Variants in TASOR2 observed in about 807,000 individuals in gnomAD.
The protein encoded by TASOR2 is transcription activation suppressor family member 2.
A neutral mutation model predicts 199.5 loss-of-function variants in TASOR2; 84 were observed. That is an observed-to-expected ratio of 0.42 (90% CI 0.35 to 0.50). The LOEUF is 0.50. Among genes scored for constraint, TASOR2 ranks in the 20% least tolerant of loss-of-function variants. The pLI, the probability that TASOR2 is intolerant of heterozygous loss-of-function variation, is 0.02. For synonymous variants in TASOR2, 1,103 were observed against 1,046.6 expected (o/e 1.05, Z -1.04); for missense variants, 2,796 against 2,835.9 (o/e 0.99, Z 0.32).
At chr10:5,718,867 A>G (rs1253375579) in intron 3 of TASOR2, among the ~76,000 whole-genome samples, 3 of 152,160 alleles carry the variant, frequency 2.0e-5, no homozygotes, top group Admixed American at 2.0e-4. Context: ...AGTGCTGCAG[A>G]AAGTATGCCT....
intron 7 of TASOR2, 33 bp from the exon 9 acceptor site, chr10:5,724,394 TAAA>T (rs771783933): frequency 8.8e-7 from 1 of 1,133,288 alleles, no homozygotes; most frequent in East Asian, 3.0e-5. Context: ...AATAGCGTAT[TAAA>T]AATAAGAAAT....
chr10:5,757,123 A>G (rs1839072006), intron 16 of TASOR2, among the ~76,000 whole-genome samples: 1 of 151,210 alleles, frequency 6.6e-6, no homozygotes, highest in South Asian at 2.1e-4. Context: ...CCAACTACGG[A>G]CAAAGGCTGG....
At chr10:5,739,653 A>G in exon 13 of TASOR2, 1 of 1,613,330 alleles carries the variant, frequency 6.2e-7, no homozygotes, top group Non-Finnish European at 8.5e-7. Context: ...TCAATCAGAA[A>G]TTTCAAGAGG....
In TASOR2 at chr10:5,730,008, T is replaced by G. The variant is rs932375382; in HGVS notation, c.488-479T>G. Among the ~76,000 whole-genome samples, 2 of 152,244 alleles carry G rather than the reference T, an allele frequency of 1.3e-5. No individual in the cohort carries two copies. Among genetic ancestry groups the G allele is most frequent in the Non-Finnish European group, 2.9e-5 (2 of 68,046 alleles). The stretch of plus-strand genomic sequence containing the variant: ...GTGAGATTCCAGCATTATTTAGGGC[T>G]TCTACTTTTTTCAGTTCAGTTGACT... On this transcript the variant is annotated intron_variant, in intron 10 of 20. Transcript: ENST00000328090. This position sits in a 1 kb window ranked among gnomAD's most constrained non-coding sequence, Gnocchi z 4.1.
chr10:5,723,684 G>C lies in TASOR2; in HGVS notation c.154G>C (p.Glu52Gln), dbSNP rs767390308. ...TGTTGTGTTGTTTTTCAGACCGCAGGAACTAGATTTTAAATATGTAATGAA... is the reference window on the plus strand; with the variant it reads ...TGTTGTGTTGTTTTTCAGACCGCAGCAACTAGATTTTAAATATGTAATGAA... Residue 52 changes from glutamate (E) to glutamine (Q), a missense_variant, in exon 7 of 21, where the codon GAA becomes CAA. By Grantham distance (29) the Glu-to-Gln change is conservative. Around this residue, in one of 3 missense-constraint regions of TASOR2, gnomAD observed 847 missense variants for 887.4 expected, o/e 0.95. Coordinates refer to ENST00000328090, the Ensembl canonical transcript of TASOR2. The C allele has an allele frequency of 2.5e-6, 4 of 1,576,974 alleles. No individual in the cohort carries two copies. The South Asian group carries it at 3.5e-5, about 14-fold the overall frequency.
Position 5,759,048 on chromosome 10 carries a change from G to A in TASOR2, c.6992+56G>A, listed in dbSNP as rs1015411581. ...TGCCCTGCTGGGGTAGCAGAGAAAC[G>A]CCTCATGTTCCATGGGCTCTAGCCT... On this transcript the variant is annotated intron_variant, in intron 18 of 20. Coordinates refer to ENST00000328090, the Ensembl canonical transcript of TASOR2. 2.3e-5 allele frequency: 29 copies of A among 1,267,376 alleles called. No homozygotes were observed. The African/African-American group carries it at 2.7e-4, about 12-fold the overall frequency. 78.5% of individuals were successfully genotyped at this position (1,267,376 alleles called of 1,614,324 possible).
At chr10:5,707,817 G>A (rs1456746391) in intron 1 of TASOR2, among the ~76,000 whole-genome samples, 1 of 151,096 alleles carries the variant, frequency 6.6e-6, no homozygotes, top group South Asian at 2.1e-4. Context: ...GAACAAAATT[G>A]TGGTTTTATG....
At chr10:5,760,362 A>G (rs1359110896) in intron 18 of TASOR2, among the ~76,000 whole-genome samples, 1 of 152,228 alleles carries the variant, frequency 6.6e-6, no homozygotes, top group African/African-American at 2.4e-5. Flanking sequence ...TCTTCATATT[A>G]TACCACTCTG....
chr10:5,730,529 T>C lies in TASOR2; in HGVS notation c.530T>C (p.Val177Ala), dbSNP rs1564310134. 1 of 1,612,320 alleles carries C rather than the reference T, an allele frequency of 6.2e-7. No homozygotes were observed. The highest frequency in any genetic ancestry group is 1.7e-5 in the Admixed American group (1 of 59,546). Reference sequence around the variant, plus strand: ...GTTGAAGATGACATCTCAATGAAGGTGATACCTATTTTATCTACCCTTAAT... The same window carrying C: ...GTTGAAGATGACATCTCAATGAAGGCGATACCTATTTTATCTACCCTTAAT... Residue 177 changes from valine to alanine, a missense_variant, in exon 11 of 21, where the codon GTG becomes GCG. Coordinates refer to ENST00000328090, the Ensembl canonical transcript of TASOR2. The surrounding 1 kb of genome is among the most constrained non-coding windows in gnomAD (Gnocchi z 4.1).
chr10:5,762,982 G>C, intron 20 of TASOR2, 47 bp from the exon 22 acceptor site: 1 of 1,577,656 alleles, frequency 6.3e-7, no homozygotes. Context: ...AATATTTCTT[G>C]TTCGTATTAT....
At chr10:5,726,620 C>G (rs1834090751) in intron 8 of TASOR2, among the ~76,000 whole-genome samples, 1 of 152,142 alleles carries the variant, frequency 6.6e-6, no homozygotes, top group South Asian at 2.1e-4. Flanking sequence ...TAAGTCTTTT[C>G]TGATTGATCT....
At chr10:5,709,761 A>G (rs1194940184) in intron 1 of TASOR2, 1 of 1,068,082 alleles carries the variant, frequency 9.4e-7, no homozygotes, top group Admixed American at 4.3e-5. Flanking sequence ...TAAAACAAAA[A>G]GACTTTAAAA....
intron 16 of TASOR2, 24 bp from the exon 18 acceptor site, chr10:5,757,496 C>T (rs370689993): frequency 1.3e-5 from 21 of 1,580,124 alleles, no homozygotes; most frequent in African/African-American, 9.6e-5. Flanking sequence ...CTCTCTTCAC[C>T]GGGGTCCTTT....
In TASOR2 at chr10:5,752,418, G is replaced by A. The variant is rs1005598708; in HGVS notation, c.6606+2391G>A. On this transcript the variant is annotated intron_variant, in intron 15 of 20. Coordinates refer to ENST00000328090, the Ensembl canonical transcript of TASOR2. This position sits in a 1 kb window ranked among gnomAD's most constrained non-coding sequence, Gnocchi z 4.4. ...GGCCGCGTGCAAAACTGGACGTGCC[G>A]TGTGTCGGTTCCACACATGAGGGGC... 2.0e-5 allele frequency among the ~76,000 whole-genome samples: 3 copies of A among 152,018 alleles called. No individual in the cohort carries two copies. The highest frequency in any genetic ancestry group is 2.9e-5 in the Non-Finnish European group (2 of 67,986).
At position 5,754,045 on chromosome 10, in the gene TASOR2, C is replaced by G. The variant is rs1252540307; in HGVS notation, c.6607-2568C>G. 6.6e-6 allele frequency among the ~76,000 whole-genome samples: 1 copy of G among 152,110 alleles called. No homozygotes were observed. Among genetic ancestry groups the G allele is most frequent in the Non-Finnish European group, 1.5e-5 (1 of 68,028 alleles). ...GCAACAGAGGGTGCAGTGCTCATGC[C>G]TGTAATCCCAGCACTTTGGGAGGCC... On this transcript the variant is annotated intron_variant, in intron 15 of 20. Coordinates refer to ENST00000328090, the Ensembl canonical transcript of TASOR2. This position sits in a 1 kb window ranked among gnomAD's most constrained non-coding sequence, Gnocchi z 4.3.
chr10:5,745,780 A>G (rs1450717880), intron 14 of TASOR2, among the ~76,000 whole-genome samples: 1 of 146,996 alleles, frequency 6.8e-6, no homozygotes, highest in Non-Finnish European at 1.5e-5. Context: ...CGCTGTCTTG[A>G]AAAAAAAAAA....
chr10:5,689,456 C>G lies in TASOR2; in HGVS notation c.-288+4281C>G, dbSNP rs1836176777. Among the ~76,000 whole-genome samples the G allele has an allele frequency of 1.3e-5, 2 of 152,022 alleles. No individual in the cohort carries two copies. The highest frequency in any genetic ancestry group is 1.3e-4 in the Admixed American group (2 of 15,254). On this transcript the variant is annotated intron_variant, in intron 1 of 20. Coordinates refer to ENST00000328090, the Ensembl canonical transcript of TASOR2. This position sits in a 1 kb window ranked among gnomAD's most constrained non-coding sequence, Gnocchi z 4.1. ...CTCTACTAAAAATACAAAAATTATC[C>G]CGGCATGGGGGTGCGCGCCTGTAGT...
intron 10 of TASOR2, among the ~76,000 whole-genome samples, chr10:5,728,220 CAAAAA>C (rs71388473): frequency 3.0e-5 from 4 of 134,404 alleles, no homozygotes; most frequent in South Asian, 2.4e-4. Context: ...GACCCTGTTT[CAAAAA>C]AAAAAAAAAA....
At chr10:5,756,699 C>A (rs777517666) in exon 16 of TASOR2, 2 of 1,613,214 alleles carry the variant, frequency 1.2e-6, no homozygotes, top group East Asian at 2.2e-5. Flanking sequence ...CACTAATCAT[C>A]ATCATCAGAA....
Sources: allele counts gnomAD v4.1 joint callset (sites outside exome capture counted in the v4.1 genomes callset), GRCh38; gene constraint gnomAD v4.1.1; regional missense constraint gnomAD v4.1.1; non-coding constraint Gnocchi (gnomAD v3.1); transcripts MANE v1.5; gene names NCBI Gene and HGNC (gene_info 2026-07-23, HGNC 2026-07-21).